The following IFT52 variants were observed in gnomAD, a reference collection of about 807,000 sequenced individuals.
The protein encoded by IFT52 is intraflagellar transport protein 52 homolog.
A neutral mutation model predicts 54.4 loss-of-function variants in IFT52; 44 were observed. That is an observed-to-expected ratio of 0.81 (90% confidence interval 0.63 to 1.04). The LOEUF is 1.04. Ranked by LOEUF, IFT52 falls within the 50% of genes least tolerant of loss-of-function variation. The probability of loss-of-function intolerance (pLI) is 0.00; values close to 1 mark genes in which losing one functional copy is unlikely to be tolerated. For missense variants in IFT52, 452 were observed against 523.6 expected (o/e 0.86, Z 1.33); for synonymous variants, 181 against 185.3 (o/e 0.98, Z 0.19).
intron 11 of IFT52, 145 bp from the exon 12 acceptor site, chr20:43,637,000 T>A (rs1985580608): frequency 3.5e-6 from 2 of 570,110 alleles, no homozygotes; most frequent in Non-Finnish European, 6.2e-6. Context: ...GGTTCCCAAC[T>A]GAGGAATTAA....
chr20:43,591,905 A>T (rs532670639), intron 1 of IFT52, among the ~76,000 whole-genome samples: 73 of 152,204 alleles, frequency 4.8e-4, no homozygotes, highest in African/African-American at 1.7e-3. Context: ...AAAGTTTGGG[A>T]CTCAGCAGGA....
At chr20:43,628,595 G>T (rs909205667) in intron 10 of IFT52, among the ~76,000 whole-genome samples, 1 of 152,214 alleles carries the variant, frequency 6.6e-6, no homozygotes, top group Non-Finnish European at 1.5e-5. Flanking sequence ...GCTCACGCCT[G>T]TAATCCCAGC....
At chr20:43,607,196 G>A (rs1982976927) in intron 6 of IFT52, among the ~76,000 whole-genome samples, 1 of 146,210 alleles carries the variant, frequency 6.8e-6, no homozygotes. Context: ...GGATGGGGCG[G>A]CTGGCCGGGC....
chr20:43,601,191 T>C (rs1982414980), intron 3 of IFT52, among the ~76,000 whole-genome samples: 1 of 152,094 alleles, frequency 6.6e-6, no homozygotes, highest in African/African-American at 2.4e-5. Context: ...TTTTGCCATA[T>C]TAATATTAAT....
intron 3 of IFT52, among the ~76,000 whole-genome samples, chr20:43,601,280 A>G (rs73907862): frequency 6.6e-6 from 1 of 152,134 alleles, no homozygotes; most frequent in African/African-American, 2.4e-5. Context: ...TCCAGTCTCG[A>G]TTACAGGAAA....
chr20:43,600,319 T>A (rs79108465), intron 3 of IFT52, among the ~76,000 whole-genome samples: 1 of 151,732 alleles, frequency 6.6e-6, no homozygotes. Context: ...TTTTTTTTTT[T>A]CCTGAGACGG....
At chr20:43,617,709 G>A (rs1300745154) in intron 7 of IFT52, among the ~76,000 whole-genome samples, 4 of 152,014 alleles carry the variant, frequency 2.6e-5, no homozygotes, top group Non-Finnish European at 5.9e-5. Flanking sequence ...CTCTTAAAAT[G>A]CTGGGATTAC....
chr20:43,605,182 A>G lies in IFT52; in HGVS notation c.485+109A>G, dbSNP rs150684689. On this transcript the variant is annotated intron_variant, in intron 6 of 13. Coordinates refer to ENST00000373030, the MANE Select transcript of IFT52 (RefSeq NM_016004.5). ...GGTTACAAAAATAATCAGAATTTGA[A>G]CAGTTCAAGAGGAAAAAAGTAGAAG... 3 of 1,508,210 alleles carry G rather than the reference A, an allele frequency of 2.0e-6. No homozygotes were observed. The African/African-American group carries it at 4.2e-5, about 21-fold the overall frequency. 93.4% of individuals were successfully genotyped at this position (1,508,210 alleles called of 1,614,324 possible).
At chr20:43,637,762 A>T (rs1431168755) in intron 12 of IFT52, among the ~76,000 whole-genome samples, 1 of 152,208 alleles carries the variant, frequency 6.6e-6, no homozygotes, top group East Asian at 1.9e-4. Context: ...TCAGTGAATT[A>T]GAACATAGTG....
At chr20:43,610,720 CA>C (rs1983373674) in intron 6 of IFT52, among the ~76,000 whole-genome samples, 1 of 149,996 alleles carries the variant, frequency 6.7e-6, no homozygotes, top group Non-Finnish European at 1.5e-5. Flanking sequence ...GCCTGGGCGA[CA>C]GAGCGAGACT....
At chr20:43,615,821 A>G (rs1983815330) in intron 7 of IFT52, among the ~76,000 whole-genome samples, 1 of 152,150 alleles carries the variant, frequency 6.6e-6, no homozygotes, top group Non-Finnish European at 1.5e-5. Context: ...ACGCGCCTGT[A>G]ATCCCAGCTA....
chr20:43,616,440 C>T (rs191053326), intron 7 of IFT52, among the ~76,000 whole-genome samples: 2 of 147,808 alleles, frequency 1.4e-5, no homozygotes, highest in East Asian at 2.0e-4. Context: ...ACCCTGGAAG[C>T]GGAGGTTGCA....
chr20:43,606,094 G>A (rs779629944), intron 6 of IFT52, among the ~76,000 whole-genome samples: 6 of 151,720 alleles, frequency 4.0e-5, no homozygotes, highest in African/African-American at 7.3e-5. Context: ...GGTAGTGGGC[G>A]CCTATAATCC....
chr20:43,607,459 G>A (rs561245447), intron 6 of IFT52, among the ~76,000 whole-genome samples: 8 of 150,880 alleles, frequency 5.3e-5, no homozygotes, highest in Middle Eastern at 3.5e-3. Flanking sequence ...CAGACAGGGC[G>A]GCTGGGCAGA....
At chr20:43,646,661 A>G (rs969121466) in intron 13 of IFT52, among the ~76,000 whole-genome samples, 2 of 152,128 alleles carry the variant, frequency 1.3e-5, no homozygotes, top group Non-Finnish European at 2.9e-5. Flanking sequence ...ACCCGAGGCC[A>G]ATATAAGAAG....
intron 10 of IFT52, among the ~76,000 whole-genome samples, chr20:43,630,018 G>T (rs1985045947): frequency 6.6e-6 from 1 of 152,150 alleles, no homozygotes; most frequent in African/African-American, 2.4e-5. Context: ...GGAGGTGAGG[G>T]TGCTTTTAAG....
chr20:43,614,809 C>CTT (rs1037730877), intron 7 of IFT52, among the ~76,000 whole-genome samples: 11 of 134,962 alleles, frequency 8.2e-5, no homozygotes, highest in African/African-American at 1.9e-4. Flanking sequence ...CTTTCTTTTT[C>CTT]TTTTTTTTTT....
In IFT52 at chr20:43,642,634, C is replaced by T; in HGVS notation, c.1266+10C>T. 1 of 1,613,328 alleles carries T rather than the reference C, an allele frequency of 6.2e-7. No homozygotes were observed. Among genetic ancestry groups the T allele is most frequent in the Non-Finnish European group, 8.5e-7 (1 of 1,179,566 alleles). ...CAAGAAATTGAACCAGGTACAGAGCCTACAAGGCACAGTGTAGTGGGAGCC... is the reference window on the plus strand; with the variant it reads ...CAAGAAATTGAACCAGGTACAGAGCTTACAAGGCACAGTGTAGTGGGAGCC... On this transcript the variant is annotated intron_variant, in intron 13 of 13. Coordinates refer to ENST00000373030, the MANE Select transcript of IFT52 (RefSeq NM_016004.5).
intron 3 of IFT52, among the ~76,000 whole-genome samples, chr20:43,602,725 G>A (rs1396771455): frequency 6.6e-6 from 1 of 152,092 alleles, no homozygotes; most frequent in African/African-American, 2.4e-5. Context: ...GGCCAAGCTG[G>A]TCTCGAACTC....
Sources: gnomAD v4.1 joint callset for allele counts (sites outside exome capture counted in the v4.1 genomes callset) on GRCh38, gnomAD v4.1.1 for gene constraint, MANE v1.5 for transcripts, NCBI Gene and HGNC (gene_info 2026-07-23, HGNC 2026-07-21) for gene names.